SPTLC1: variants seen among roughly 807,000 people sequenced by gnomAD.
The protein encoded by SPTLC1 is serine palmitoyltransferase long chain base subunit 1, also known as serine palmitoyltransferase 1.
SPTLC1 carries 55 observed loss-of-function variants against 68.9 expected under a neutral mutation model. The ratio of observed to expected loss-of-function variants is 0.80; its 90% CI spans 0.64 to 1.00. The LOEUF (loss-of-function observed/expected upper bound fraction) is 1.00, where lower values mean the gene tolerates loss of function less well. Ranked by LOEUF, SPTLC1 falls within the 50% of genes least tolerant of loss-of-function variation. SPTLC1 has a pLI of 0.00. For synonymous variants in SPTLC1, 197 were observed against 201.6 expected (o/e 0.98, Z 0.19); for missense variants, 449 against 573.1 (o/e 0.78, Z 2.21).
intron 8 of SPTLC1, chr9:92,051,324 A>C (rs1286581886): frequency 1.7e-5 from 16 of 919,812 alleles, no homozygotes; most frequent in Non-Finnish European, 2.1e-5. Context: ...ACATGGAAAA[A>C]TCAAATATGT....
Position 92,112,555 on chromosome 9 carries a change from G to A in SPTLC1, c.65C>T (p.Ala22Val). The change falls in exon 2 of 15, where the codon GCT (alanine) becomes GTT (valine). Residue 22 changes from alanine to valine, a missense_variant. This residue lies in a region of SPTLC1 where 46 missense variants were observed against 57.8 expected (regional missense o/e 0.80). Transcript: ENST00000262554. ...AATCCCTTCCAAAATAAGATGGTAA[G>A]CAGGAGCCTAAGAGTGAGTCAAAAA... Reference protein sequence around the residue: ...EMVQALYEAPAYHLILEGILI... With the variant: ...EMVQALYEAPVYHLILEGILI... The A allele has an allele frequency of 6.2e-7, 1 of 1,602,550 alleles. No individual in the cohort carries two copies. Among genetic ancestry groups the A allele is most frequent in the Non-Finnish European group, 8.5e-7 (1 of 1,176,544 alleles).
chr9:92,082,229 T>C (rs942042480), intron 3 of SPTLC1, among the ~76,000 whole-genome samples: 1 of 152,098 alleles, frequency 6.6e-6, no homozygotes, highest in East Asian at 1.9e-4. Flanking sequence ...CAAGGGCTTC[T>C]CTATTTTATT....
intron 5 of SPTLC1, among the ~76,000 whole-genome samples, chr9:92,075,897 C>A (rs564453665): frequency 3.5e-4 from 54 of 152,242 alleles, no homozygotes; most frequent in African/African-American, 1.2e-3. Context: ...ATCCACATAG[C>A]CTCCTCTCCT....
At chr9:92,068,520 G>A (rs543438349) in intron 5 of SPTLC1, among the ~76,000 whole-genome samples, 3 of 152,320 alleles carry the variant, frequency 2.0e-5, no homozygotes, top group Admixed American at 2.0e-4. Context: ...CATCAAGAAG[G>A]TGACACTTAC....
chr9:92,089,053 G>C (rs988564944), intron 3 of SPTLC1, among the ~76,000 whole-genome samples: 1 of 152,194 alleles, frequency 6.6e-6, no homozygotes, highest in African/African-American at 2.4e-5. Context: ...AACGCGAGAC[G>C]CTGGACACTA....
rs534618982 is a variant in SPTLC1, at chr9:92,040,143, G to A, written c.1137-1778C>T. Among the ~76,000 whole-genome samples, 78 of 152,174 alleles carry A rather than the reference G, an allele frequency of 5.1e-4. 1 individual carries two copies. The Middle Eastern group carries it at 0.014, about 27-fold the overall frequency. ...CCAGCACTTTGGGAGGCCAAGGCAG[G>A]TAGATCACCTGAGGTCAGGAGTTTG... On this transcript the variant is annotated intron_variant, in intron 12 of 14. Coordinates refer to ENST00000262554, the MANE Select transcript of SPTLC1 (RefSeq NM_006415.4).
At chr9:92,043,150 A>G (rs964806103) in intron 12 of SPTLC1, among the ~76,000 whole-genome samples, 1 of 152,168 alleles carries the variant, frequency 6.6e-6, no homozygotes, top group African/African-American at 2.4e-5. Context: ...ATACCTCTAC[A>G]TAACGAAGTC....
chr9:92,053,974 C>T lies in SPTLC1; in HGVS notation c.780+1431G>A, dbSNP rs186611527. ...ATGGTTTCTAAAAACAGTTATGCTGCTTTCACTATTAAAAAGCTAAGTTTT... is the reference window on the plus strand; with the variant it reads ...ATGGTTTCTAAAAACAGTTATGCTGTTTTCACTATTAAAAAGCTAAGTTTT... On this transcript the variant is annotated intron_variant, in intron 8 of 14. Transcript: ENST00000262554. The T allele has an allele frequency of 7.5e-5, 74 of 985,376 alleles. 1 individual carries two copies. The African/African-American group carries it at 1.2e-3, about 16-fold the overall frequency. 61.0% of individuals were successfully genotyped at this position (985,376 alleles called of 1,614,324 possible). A position where few individuals can be genotyped will look rare whatever the true frequency, so the allele number is the denominator to read the frequency against.
chr9:92,073,433 A>G (rs532888083), intron 5 of SPTLC1, among the ~76,000 whole-genome samples: 9 of 152,362 alleles, frequency 5.9e-5, no homozygotes, highest in African/African-American at 2.2e-4. Flanking sequence ...AGGCATAGCC[A>G]GGCAGGACTA....
intron 1 of SPTLC1, among the ~76,000 whole-genome samples, chr9:92,113,795 G>A (rs532267751): frequency 4.6e-5 from 7 of 152,260 alleles, no homozygotes; most frequent in South Asian, 2.1e-4. Flanking sequence ...ACCAGTAGAC[G>A]GTGATATTAA....
chr9:92,072,903 C>T (rs1377806310), intron 5 of SPTLC1, among the ~76,000 whole-genome samples: 4 of 152,064 alleles, frequency 2.6e-5, no homozygotes, highest in Non-Finnish European at 5.9e-5. Flanking sequence ...TCTCCTTCTT[C>T]CACTGGGGAT....
chr9:92,046,447 T>C (rs534568317), intron 11 of SPTLC1: 2 of 191,898 alleles, frequency 1.0e-5, no homozygotes, highest in African/African-American at 4.7e-5. Flanking sequence ...TTTTCCTTTT[T>C]TATTCAAGGA....
At chr9:92,040,173 C>A (rs1239157832) in intron 12 of SPTLC1, among the ~76,000 whole-genome samples, 2 of 151,770 alleles carry the variant, frequency 1.3e-5, no homozygotes, top group Non-Finnish European at 2.9e-5. Context: ...AGTTTGAGAC[C>A]AGCCTGGCCA....
At chr9:92,096,434 A>T (rs943947978) in intron 3 of SPTLC1, among the ~76,000 whole-genome samples, 1 of 152,180 alleles carries the variant, frequency 6.6e-6, no homozygotes, top group Admixed American at 6.5e-5. Context: ...GAATATATAC[A>T]ATTTTTATTT....
intron 3 of SPTLC1, among the ~76,000 whole-genome samples, chr9:92,097,527 G>A (rs1431871770): frequency 6.6e-6 from 1 of 152,208 alleles, no homozygotes; most frequent in African/African-American, 2.4e-5. Flanking sequence ...ATGCTACAAT[G>A]TGGATGAGTC....
chr9:92,054,838 C>T (rs920898152), intron 8 of SPTLC1, among the ~76,000 whole-genome samples: 30 of 151,962 alleles, frequency 2.0e-4, no homozygotes, highest in African/African-American at 2.2e-4. Context: ...GCTTGAACCT[C>T]GGGGAGGAGG....
chr9:92,064,815 C>A (rs1256121923), intron 6 of SPTLC1, among the ~76,000 whole-genome samples: 1 of 152,180 alleles, frequency 6.6e-6, no homozygotes, highest in Non-Finnish European at 1.5e-5. Flanking sequence ...CTTGGATGAA[C>A]CATCAGAGAA....
At chr9:92,085,223 T>G in intron 3 of SPTLC1, among the ~76,000 whole-genome samples, 4 of 149,920 alleles carry the variant, frequency 2.7e-5, no homozygotes, top group African/African-American at 9.9e-5. Context: ...TTGAAGGGTT[T>G]TTTGTGTCTC....
chr9:92,055,295 C>A (rs147538667), intron 8 of SPTLC1, 110 bp downstream of exon 8: 61 of 1,551,162 alleles, frequency 3.9e-5, no homozygotes, highest in Middle Eastern at 1.7e-4. Context: ...GCTTATGAGG[C>A]CTAATGCGCA....
Sources: allele counts gnomAD v4.1 joint callset (sites outside exome capture counted in the v4.1 genomes callset), GRCh38; gene constraint gnomAD v4.1.1; regional missense constraint gnomAD v4.1.1; transcripts MANE v1.5; gene names NCBI Gene and HGNC (gene_info 2026-07-23, HGNC 2026-07-21).